Variants in SELENOF observed in about 807,000 individuals in gnomAD.
SELENOF encodes the protein selenoprotein F.
Under a neutral mutation model 20.5 loss-of-function variants are expected in SELENOF, and 16 were observed. That is an observed-to-expected ratio of 0.78 (90% CI 0.53 to 1.19). The LOEUF is 1.19. SELENOF is among the 50% of genes most tolerant of loss of function. SELENOF has a pLI of 0.00. For missense variants in SELENOF, 215 were observed against 194.2 expected (o/e 1.11, Z -0.64); for synonymous variants, 78 against 74.5 (o/e 1.05, Z -0.24).
At chr1:86,894,512 A>C (rs1438990427) in intron 2 of SELENOF, among the ~76,000 whole-genome samples, 2 of 152,144 alleles carry the variant, frequency 1.3e-5, no homozygotes, top group Non-Finnish European at 2.9e-5. Flanking sequence ...AGTCTCCTTC[A>C]ATTTTCTGAC....
chr1:86,878,581 C>G (rs1658981643), intron 3 of SELENOF, among the ~76,000 whole-genome samples: 1 of 152,150 alleles, frequency 6.6e-6, no homozygotes, highest in Non-Finnish European at 1.5e-5. Flanking sequence ...ACTCAGGAGA[C>G]TGAGGCAGGA....
intron 3 of SELENOF, among the ~76,000 whole-genome samples, chr1:86,874,280 G>T (rs1658868141): frequency 1.3e-5 from 2 of 152,116 alleles, no homozygotes; most frequent in South Asian, 4.1e-4. Context: ...CCAATTTGGA[G>T]ATTTCTAAAG....
intron 2 of SELENOF, among the ~76,000 whole-genome samples, chr1:86,894,671 T>C (rs1485346337): frequency 6.6e-6 from 1 of 152,088 alleles, no homozygotes; most frequent in African/African-American, 2.4e-5. Context: ...AGACCTTGTC[T>C]CTACAAAAAT....
At chr1:86,873,281 T>C (rs902378886) in intron 3 of SELENOF, among the ~76,000 whole-genome samples, 4 of 151,950 alleles carry the variant, frequency 2.6e-5, no homozygotes, top group Non-Finnish European at 5.9e-5. Flanking sequence ...AAACAAACAA[T>C]ACTATTATTT....
At chr1:86,899,574 G>A (rs1659625472) in intron 2 of SELENOF, among the ~76,000 whole-genome samples, 1 of 150,992 alleles carries the variant, frequency 6.6e-6, no homozygotes, top group Non-Finnish European at 1.5e-5. Context: ...GGACGGGGCG[G>A]CTGGCCGGGC....
chr1:86,914,178 C>CA, upstream of SELENOF: 1 of 1,376,108 alleles, frequency 7.3e-7, no homozygotes, highest in African/African-American at 1.4e-5. Context: ...GAGCCTGATC[C>CA]AAAACAGAAC....
chr1:86,905,670 G>A (rs768057822), intron 1 of SELENOF, among the ~76,000 whole-genome samples: 1 of 152,240 alleles, frequency 6.6e-6, no homozygotes, highest in East Asian at 1.9e-4. Flanking sequence ...ATATCTGTTG[G>A]ATAAATAAAT....
intron 4 of SELENOF, among the ~76,000 whole-genome samples, chr1:86,867,171 G>A (rs551009852): frequency 1.3e-5 from 2 of 152,052 alleles, no homozygotes; most frequent in South Asian, 4.1e-4. Flanking sequence ...TCTGGAAAAG[G>A]CAAAATTATA....
upstream of SELENOF, chr1:86,914,156 G>A (rs1352136764): frequency 1.3e-6 from 2 of 1,569,410 alleles, no homozygotes; most frequent in African/African-American, 2.7e-5. Context: ...TAAGCTAGGG[G>A]CGTCCACTCC....
chr1:86,890,785 C>T (rs2102104168), intron 2 of SELENOF, among the ~76,000 whole-genome samples: 2 of 152,050 alleles, frequency 1.3e-5, no homozygotes, highest in Middle Eastern at 6.9e-3. Context: ...GATGGGATTA[C>T]AGGCGTGAGC....
chr1:86,873,466 T>A (rs1183093817), intron 3 of SELENOF, among the ~76,000 whole-genome samples: 1 of 152,228 alleles, frequency 6.6e-6, no homozygotes, highest in Non-Finnish European at 1.5e-5. Flanking sequence ...AAAGGAAATA[T>A]TCTTCATCTG....
chr1:86,866,766 T>C (rs1311443879), intron 4 of SELENOF, among the ~76,000 whole-genome samples: 1 of 152,234 alleles, frequency 6.6e-6, no homozygotes, highest in Non-Finnish European at 1.5e-5. Flanking sequence ...TATCATCACA[T>C]ACTTATTAGA....
intron 1 of SELENOF, among the ~76,000 whole-genome samples, chr1:86,910,039 T>C (rs1029797733): frequency 1.3e-5 from 2 of 152,224 alleles, no homozygotes; most frequent in African/African-American, 4.8e-5. Context: ...ACATCTAACT[T>C]TGCAAGTCTG....
chr1:86,911,180 T>C (rs762008017), intron 1 of SELENOF, among the ~76,000 whole-genome samples: 46 of 152,344 alleles, frequency 3.0e-4, no homozygotes, highest in Non-Finnish European at 4.0e-4. Flanking sequence ...AGAAAGACTC[T>C]TAATCCAAAC....
intron 3 of SELENOF, among the ~76,000 whole-genome samples, chr1:86,875,100 G>A (rs1658889368): frequency 6.6e-6 from 1 of 152,126 alleles, no homozygotes; most frequent in South Asian, 2.1e-4. Context: ...AGTTAGCTGG[G>A]TGTGGTGGCG....
At chr1:86,901,172 A>T (rs1659695741) in intron 2 of SELENOF, among the ~76,000 whole-genome samples, 1 of 152,238 alleles carries the variant, frequency 6.6e-6, no homozygotes, top group Non-Finnish European at 1.5e-5. Context: ...CAACTAAATT[A>T]AACTGTGATT....
At chr1:86,907,915 G>C (rs1659872164) in intron 1 of SELENOF, among the ~76,000 whole-genome samples, 1 of 151,976 alleles carries the variant, frequency 6.6e-6, no homozygotes, top group African/African-American at 2.4e-5. Context: ...GAACCCGGGA[G>C]GCGGAGATTG....
chr1:86,913,848 C>T (rs1349292662), intron 1 of SELENOF, 180 bp downstream of exon 1: 2 of 616,192 alleles, frequency 3.2e-6, no homozygotes, highest in African/African-American at 1.8e-5. Flanking sequence ...GCTAGAAACC[C>T]AAGGCGGGGA....
intron 2 of SELENOF, among the ~76,000 whole-genome samples, chr1:86,900,569 G>A (rs1339101581): frequency 6.6e-6 from 1 of 152,112 alleles, no homozygotes; most frequent in Non-Finnish European, 1.5e-5. Context: ...GCATCAGAGG[G>A]AGACCGTGGA....
Sources: gnomAD v4.1 joint callset for allele counts (sites outside exome capture counted in the v4.1 genomes callset) on GRCh38, gnomAD v4.1.1 for gene constraint, MANE v1.5 for transcripts, NCBI Gene and HGNC (gene_info 2026-07-23, HGNC 2026-07-21) for gene names.